The following ULK4 variants were observed in gnomAD, a reference collection of about 807,000 sequenced individuals.
ULK4 encodes the protein inactive serine/threonine-protein kinase ULK4.
Under a neutral mutation model 160.6 loss-of-function variants are expected in ULK4, and 133 were observed. That is an observed-to-expected ratio of 0.83 (90% CI 0.72 to 0.96). ULK4 has a LOEUF of 0.96. Among genes scored for constraint, ULK4 ranks in the 40% least tolerant of loss-of-function variants. The pLI, the probability that ULK4 is intolerant of heterozygous loss-of-function variation, is 0.00. For missense variants in ULK4, 1,580 were observed against 1,499.5 expected (o/e 1.05, Z -0.89); for synonymous variants, 534 against 539.8 (o/e 0.99, Z 0.15).
rs1044003260 is a variant in ULK4 at position 41,702,998 on chromosome 3, C to T, written c.2781+2059G>A. On this transcript the variant is annotated intron_variant, in intron 27 of 36. Coordinates refer to ENST00000301831, the MANE Select transcript of ULK4 (RefSeq NM_017886.4). ...CCTCCCGAGTAGCTGGGACTACAGG[C>T]ACACACCACCATGCCCAGCTAATTT... is the stretch of plus-strand genomic sequence containing the variant. 2.0e-5 allele frequency among the ~76,000 whole-genome samples: 3 copies of T among 151,820 alleles called. No individual in the cohort carries two copies. In the East Asian group the frequency reaches 5.8e-4, roughly 29 times the overall value.
At chr3:41,423,092 A>G (rs768395215) in intron 34 of ULK4, among the ~76,000 whole-genome samples, 5 of 152,238 alleles carry the variant, frequency 3.3e-5, no homozygotes, top group Non-Finnish European at 7.3e-5. Context: ...TATGTATACT[A>G]TTTTGTGTAT....
At chr3:41,750,970 AAAAG>A (rs1287607483) in intron 22 of ULK4, among the ~76,000 whole-genome samples, 4 of 141,944 alleles carry the variant, frequency 2.8e-5, no homozygotes, top group Non-Finnish European at 4.5e-5. Context: ...TCAAAAAAAA[AAAAG>A]AGAGAGAGAG....
At chr3:41,304,531 G>C (rs1296803899) in intron 35 of ULK4, among the ~76,000 whole-genome samples, 1 of 152,166 alleles carries the variant, frequency 6.6e-6, no homozygotes, top group Admixed American at 6.5e-5. Context: ...TTAGTAGCAA[G>C]CTGCAGAGAT....
At chr3:41,898,057 T>C (rs553121230) in intron 14 of ULK4, among the ~76,000 whole-genome samples, 2 of 152,258 alleles carry the variant, frequency 1.3e-5, no homozygotes, top group East Asian at 1.9e-4. Flanking sequence ...GTCCCTCTAA[T>C]AGAATCCCAA....
intron 32 of ULK4, among the ~76,000 whole-genome samples, chr3:41,485,742 T>C (rs1306251464): frequency 6.6e-6 from 1 of 152,178 alleles, no homozygotes; most frequent in Non-Finnish European, 1.5e-5. Context: ...TTTTCAGTTT[T>C]CTGGTGGAGA....
chr3:41,705,850 T>C (rs192181622), intron 25 of ULK4, among the ~76,000 whole-genome samples: 1 of 152,266 alleles, frequency 6.6e-6, no homozygotes, highest in East Asian at 1.9e-4. Context: ...GTGAGAATAA[T>C]ATAACTGATA....
At chr3:41,807,598 T>C (rs1210165649) in intron 19 of ULK4, among the ~76,000 whole-genome samples, 5 of 152,158 alleles carry the variant, frequency 3.3e-5, no homozygotes, top group Admixed American at 3.3e-4. Flanking sequence ...GAGAATTAAA[T>C]GAGATAGCAC....
chr3:41,475,221 T>C (rs1378599574), intron 32 of ULK4, among the ~76,000 whole-genome samples: 2 of 152,216 alleles, frequency 1.3e-5, no homozygotes, highest in Admixed American at 6.5e-5. Context: ...CATTATGCTA[T>C]GTGAAATAAA....
chr3:41,657,383 G>A (rs2034977188), intron 30 of ULK4, among the ~76,000 whole-genome samples: 1 of 151,992 alleles, frequency 6.6e-6, no homozygotes, highest in Non-Finnish European at 1.5e-5. Flanking sequence ...AAATTAAAAC[G>A]CATATCCTTC....
At chr3:41,740,511 T>C (rs577467867) in intron 22 of ULK4, among the ~76,000 whole-genome samples, 1 of 151,970 alleles carries the variant, frequency 6.6e-6, no homozygotes, top group South Asian at 2.1e-4. Context: ...GAGAAATAGG[T>C]GGACATTTGT....
At chr3:41,849,471 G>A (rs2042153854) in intron 17 of ULK4, among the ~76,000 whole-genome samples, 1 of 152,126 alleles carries the variant, frequency 6.6e-6, no homozygotes, top group African/African-American at 2.4e-5. Flanking sequence ...AAGGTCAATG[G>A]CTGCCAGGGG....
intron 30 of ULK4, among the ~76,000 whole-genome samples, chr3:41,657,109 A>G (rs1361795965): frequency 1.3e-5 from 2 of 152,070 alleles, no homozygotes; most frequent in African/African-American, 4.8e-5. Flanking sequence ...TCAATAATAA[A>G]CTAGATCCAC....
intron 22 of ULK4, among the ~76,000 whole-genome samples, chr3:41,739,722 C>T (rs2038179036): frequency 6.6e-6 from 1 of 151,890 alleles, no homozygotes; most frequent in Non-Finnish European, 1.5e-5. Flanking sequence ...ACATGTTTCT[C>T]CAAATGTCAA....
At position 41,491,699 on chromosome 3, in the gene ULK4, AT is replaced by A. The variant is rs869141156; in HGVS notation, c.3227-28447del. Among the ~76,000 whole-genome samples the A allele has an allele frequency of 8.3e-5, 9 of 107,924 alleles. No individual in the cohort carries two copies. In the South Asian group the frequency reaches 1.8e-3, roughly 21 times the overall value. The allele number at this position is 107,924 out of a possible 152,430, so 70.8% of individuals were successfully genotyped here. A position where few individuals can be genotyped will look rare whatever the true frequency, so the allele number is the denominator to read the frequency against. ...TAATAGGAAAAAAAAGAATTTTTAT[AT>A]TTTTTTTTATTCATTTGCTTTATTT... On this transcript the variant is annotated intron_variant, in intron 32 of 36. Coordinates refer to ENST00000301831, the MANE Select transcript of ULK4 (RefSeq NM_017886.4).
At chr3:41,802,263 C>G (rs1293656884) in intron 19 of ULK4, among the ~76,000 whole-genome samples, 1 of 151,944 alleles carries the variant, frequency 6.6e-6, no homozygotes, top group Non-Finnish European at 1.5e-5. Context: ...GATTGTTTTC[C>G]TTAATTTTTG....
intron 17 of ULK4, among the ~76,000 whole-genome samples, chr3:41,874,233 C>T (rs1336900406): frequency 1.3e-5 from 2 of 152,084 alleles, no homozygotes; most frequent in Admixed American, 1.3e-4. Flanking sequence ...GTGGTGCAAT[C>T]GTGCATCTTA....
chr3:41,382,230 T>C (rs2081671741), intron 35 of ULK4, among the ~76,000 whole-genome samples: 2 of 152,214 alleles, frequency 1.3e-5, no homozygotes, highest in South Asian at 2.1e-4. Context: ...TAAGCTCCAT[T>C]AGAGCAGGGT....
At chr3:41,561,838 G>C (rs1367605811) in intron 32 of ULK4, among the ~76,000 whole-genome samples, 1 of 151,972 alleles carries the variant, frequency 6.6e-6, no homozygotes, top group African/African-American at 2.4e-5. Flanking sequence ...TTTTTTGAAG[G>C]GTTTTTTGCG....
intron 22 of ULK4, among the ~76,000 whole-genome samples, chr3:41,718,801 A>T (rs2037358117): frequency 6.6e-6 from 1 of 152,210 alleles, no homozygotes; most frequent in Non-Finnish European, 1.5e-5. Flanking sequence ...AAATGTATTG[A>T]AATCTTGATA....
Sources: gnomAD v4.1 joint callset for allele counts (sites outside exome capture counted in the v4.1 genomes callset) on GRCh38, gnomAD v4.1.1 for gene constraint, MANE v1.5 for transcripts, NCBI Gene and HGNC (gene_info 2026-07-23, HGNC 2026-07-21) for gene names.